The following ROCK2 variants were observed in gnomAD, a reference collection of about 807,000 sequenced individuals.
ROCK2 encodes Rho associated coiled-coil containing protein kinase 2, also known as rho-associated protein kinase 2.
ROCK2 carries 61 observed loss-of-function variants against 195.1 expected under a neutral mutation model. That is an observed-to-expected ratio of 0.31 (90% CI 0.25 to 0.39). The LOEUF (loss-of-function observed/expected upper bound fraction) is 0.39, where lower values mean the gene tolerates loss of function less well. Among genes scored for constraint, ROCK2 ranks in the 10% least tolerant of loss-of-function variants. ROCK2 has a pLI of 1.00. For missense variants in ROCK2, 1,109 were observed against 1,637.4 expected (o/e 0.68, Z 5.57); for synonymous variants, 504 against 545.5 (o/e 0.92, Z 1.06).
chr2:11,278,978 A>G (rs1015441849), intron 3 of ROCK2, among the ~76,000 whole-genome samples: 4 of 151,774 alleles, frequency 2.6e-5, no homozygotes, highest in South Asian at 2.1e-4. Flanking sequence ...GGCAAACACT[A>G]AAAAAAAGGA....
intron 27 of ROCK2, among the ~76,000 whole-genome samples, chr2:11,196,648 G>A (rs934168583): frequency 1.3e-5 from 2 of 152,090 alleles, no homozygotes; most frequent in African/African-American, 4.8e-5. Flanking sequence ...AAGGGTAGTG[G>A]GAAAAACTCC....
rs891769664 is a variant in ROCK2 at position 11,236,071 on chromosome 2, T to C, written c.463-109A>G. 1.1e-5 allele frequency: 11 copies of C among 1,043,880 alleles called. No homozygotes were observed. In the African/African-American group the frequency reaches 1.8e-4, roughly 17 times the overall value. 64.7% of individuals were successfully genotyped at this position (1,043,880 alleles called of 1,614,324 possible). ...TACTATTGAAAAAGGCAAACTATTTTATAACCAAAACTAAAATTTATGAGA... is the reference window on the plus strand; with the variant it reads ...TACTATTGAAAAAGGCAAACTATTTCATAACCAAAACTAAAATTTATGAGA... On this transcript the variant is annotated intron_variant, in intron 4 of 32. Coordinates refer to ENST00000315872, the MANE Select transcript of ROCK2 (RefSeq NM_004850.5).
intron 1 of ROCK2, among the ~76,000 whole-genome samples, chr2:11,327,382 G>C (rs1668580452): frequency 6.6e-6 from 1 of 152,116 alleles, no homozygotes; most frequent in Admixed American, 6.5e-5. Flanking sequence ...TAGCTCCATG[G>C]GATTAAGTGA....
intron 1 of ROCK2, among the ~76,000 whole-genome samples, chr2:11,306,997 AGTG>A (rs1486618403): frequency 6.6e-6 from 1 of 152,224 alleles, no homozygotes; most frequent in African/African-American, 2.4e-5. Flanking sequence ...TAATAAAGTC[AGTG>A]GTATAAACCA....
intron 27 of ROCK2, among the ~76,000 whole-genome samples, chr2:11,196,053 T>C (rs1663622840): frequency 6.6e-6 from 1 of 152,220 alleles, no homozygotes; most frequent in Non-Finnish European, 1.5e-5. Flanking sequence ...ACTTCTATTA[T>C]GTATCAATCG....
intron 28 of ROCK2, among the ~76,000 whole-genome samples, 188 bp downstream of exon 28, chr2:11,194,767 A>G (rs975192532): frequency 1.3e-4 from 19 of 141,910 alleles, no homozygotes; most frequent in Non-Finnish European, 2.8e-4. Flanking sequence ...TCTTATTATT[A>G]ACAAGGTATG....
chr2:11,219,899 G>A (rs1664573112), intron 9 of ROCK2, among the ~76,000 whole-genome samples: 1 of 134,194 alleles, frequency 7.5e-6, no homozygotes, highest in Admixed American at 8.2e-5. Flanking sequence ...GTCTCATTCT[G>A]TCGCCCAGGC....
intron 3 of ROCK2, among the ~76,000 whole-genome samples, chr2:11,250,787 C>T (rs559423274): frequency 6.6e-6 from 1 of 152,314 alleles, no homozygotes; most frequent in Non-Finnish European, 1.5e-5. Context: ...CCACTGATAC[C>T]ACCCTGGTTC....
Position 11,201,985 on chromosome 2 carries a change from G to T in ROCK2, c.2619+67C>A. 1 of 1,151,024 alleles carries T rather than the reference G, an allele frequency of 8.7e-7. No individual in the cohort carries two copies. Among genetic ancestry groups the T allele is most frequent in the Non-Finnish European group, 1.3e-6 (1 of 759,816 alleles). 71.3% of individuals were successfully genotyped at this position (1,151,024 alleles called of 1,614,324 possible). ...GCTGCTCTTTTTATATGAGTTGTAT[G>T]GTATAAATAAAATATCCCAACCAAA... On this transcript the variant is annotated intron_variant, in intron 21 of 32. Coordinates refer to ENST00000315872, the MANE Select transcript of ROCK2 (RefSeq NM_004850.5). This position sits in a 1 kb window ranked among gnomAD's most constrained non-coding sequence, Gnocchi z 4.6.
rs527530459 is a variant in ROCK2, at chr2:11,268,707, C to G, written c.324+17832G>C. 5.3e-5 allele frequency among the ~76,000 whole-genome samples: 8 copies of G among 152,268 alleles called. No individual in the cohort carries two copies. In the South Asian group the frequency reaches 1.5e-3, roughly 28 times the overall value. On this transcript the variant is annotated intron_variant, in intron 3 of 32. Coordinates refer to ENST00000315872, the MANE Select transcript of ROCK2 (RefSeq NM_004850.5). ...CAAATCACTTCTCTTTTGCTGCTTT[C>G]AAATTCTCTTTGTAATTTTCAAGTG... is the stretch of plus-strand genomic sequence containing the variant.
chr2:11,247,034 A>G (rs1457725415), intron 4 of ROCK2, among the ~76,000 whole-genome samples: 1 of 152,242 alleles, frequency 6.6e-6, no homozygotes, highest in East Asian at 1.9e-4. Flanking sequence ...TAAGAAATTA[A>G]GTGTTGATAC....
At position 11,201,940 on chromosome 2, in the gene ROCK2, T is replaced by G. The variant is rs935462304; in HGVS notation, c.2619+112A>C. 2 of 760,270 alleles carry G rather than the reference T, an allele frequency of 2.6e-6. No homozygotes were observed. Among genetic ancestry groups the G allele is most frequent in the Non-Finnish European group, 4.6e-6 (2 of 437,728 alleles). 47.1% of individuals were successfully genotyped at this position (760,270 alleles called of 1,614,324 possible). A position where few individuals can be genotyped will look rare whatever the true frequency, so the allele number is the denominator to read the frequency against. Reference sequence around the variant, plus strand: ...CAATGATAATAAATTTCTCTTAAACTATCTACATTCTTTTGCCCAGCTGCT... The same window carrying G: ...CAATGATAATAAATTTCTCTTAAACGATCTACATTCTTTTGCCCAGCTGCT... On this transcript the variant is annotated intron_variant, in intron 21 of 32. Coordinates refer to ENST00000315872, the MANE Select transcript of ROCK2 (RefSeq NM_004850.5). The surrounding 1 kb of genome is among the most constrained non-coding windows in gnomAD (Gnocchi z 4.6).
At chr2:11,210,244 C>T (rs1664201526) in intron 18 of ROCK2, among the ~76,000 whole-genome samples, 1 of 123,268 alleles carries the variant, frequency 8.1e-6, no homozygotes, top group Non-Finnish European at 1.9e-5. Flanking sequence ...AACAAATGTC[C>T]TCATTTAACA....
intron 1 of ROCK2, among the ~76,000 whole-genome samples, chr2:11,288,773 A>C (rs1479801776): frequency 6.6e-6 from 1 of 152,046 alleles, no homozygotes; most frequent in Non-Finnish European, 1.5e-5. Flanking sequence ...TACACAGAAA[A>C]TTTAGAAAGG....
Position 11,218,767 on chromosome 2 carries a change from G to A in ROCK2, c.1320+199C>T, listed in dbSNP as rs116728835. ...CTAAAGCCATGTAGAAGTCCTCTTT[G>A]TACTAGCCATCATGTCTTGAATAAT... On this transcript the variant is annotated intron_variant, in intron 10 of 32. Coordinates refer to ENST00000315872, the MANE Select transcript of ROCK2 (RefSeq NM_004850.5). Among the ~76,000 whole-genome samples, 603 of 152,206 alleles carry A rather than the reference G, an allele frequency of 4.0e-3. 2 individuals carry two copies. The highest frequency in any genetic ancestry group is 0.014 in the African/African-American group (580 of 41,524).
intron 4 of ROCK2, among the ~76,000 whole-genome samples, chr2:11,238,291 G>A (rs534429276): frequency 2.3e-4 from 33 of 146,008 alleles, no homozygotes; most frequent in African/African-American, 7.7e-4. Context: ...AAGGAAATAT[G>A]AAAATAAATG....
intron 1 of ROCK2, among the ~76,000 whole-genome samples, chr2:11,335,926 T>C (rs1668914070): frequency 2.0e-5 from 3 of 152,214 alleles, no homozygotes; most frequent in South Asian, 4.1e-4. Flanking sequence ...CGATTGATAA[T>C]TGTGACTATA....
chr2:11,339,609 T>G (rs909733564), intron 1 of ROCK2, among the ~76,000 whole-genome samples: 1 of 151,324 alleles, frequency 6.6e-6, no homozygotes, highest in Non-Finnish European at 1.5e-5. Context: ...CTGATTATCA[T>G]AGCAGAGAAT....
At chr2:11,251,099 C>T (rs572020342) in intron 3 of ROCK2, among the ~76,000 whole-genome samples, 1 of 152,294 alleles carries the variant, frequency 6.6e-6, no homozygotes, top group African/African-American at 2.4e-5. Flanking sequence ...TACATATTAG[C>T]TCACCATCCC....
Sources: gnomAD v4.1 joint callset for allele counts (sites outside exome capture counted in the v4.1 genomes callset) on GRCh38, gnomAD v4.1.1 for gene constraint, Gnocchi (gnomAD v3.1) non-coding constraint, MANE v1.5 for transcripts, NCBI Gene and HGNC (gene_info 2026-07-23, HGNC 2026-07-21) for gene names.